CNTN5: variants seen among roughly 807,000 people sequenced by gnomAD.
The protein encoded by CNTN5 is contactin 5, also known as contactin-5.
Under a neutral mutation model 129.1 loss-of-function variants are expected in CNTN5, and 77 were observed. The ratio of observed to expected loss-of-function variants is 0.60; its 90% CI spans 0.50 to 0.72. The LOEUF (loss-of-function observed/expected upper bound fraction) is 0.72. CNTN5 is among the 30% of genes least tolerant of loss of function. The probability of loss-of-function intolerance (pLI) is 0.00; values close to 1 mark genes in which losing one functional copy is unlikely to be tolerated. For missense variants in CNTN5, 1,478 were observed against 1,328.8 expected, an observed-to-expected ratio of 1.11 and a Z score of -1.75; for synonymous variants, 509 against 465.6, an observed-to-expected ratio of 1.09 and a Z score of -1.20.
intron 2 of CNTN5, among the ~76,000 whole-genome samples, chr11:99,541,975 A>G (rs535183581): frequency 2.5e-3 from 303 of 121,320 alleles, no homozygotes; most frequent in African/African-American, 7.6e-3. Flanking sequence ...AAAAAAAAAA[A>G]AAAAGAAAAG....
At chr11:99,762,554 T>C (rs1944617155) in intron 3 of CNTN5, among the ~76,000 whole-genome samples, 1 of 151,960 alleles carries the variant, frequency 6.6e-6, no homozygotes, top group Admixed American at 6.6e-5. Flanking sequence ...TTTCTCAGGT[T>C]TGTCAAAGAT....
intron 1 of CNTN5, among the ~76,000 whole-genome samples, chr11:99,238,195 A>G (rs758063983): frequency 3.3e-5 from 5 of 152,218 alleles, no homozygotes; most frequent in Non-Finnish European, 7.4e-5. Flanking sequence ...CATGGGGTTA[A>G]TAAAAAGGAA....
intron 2 of CNTN5, among the ~76,000 whole-genome samples, chr11:99,339,532 C>A (rs1400879929): frequency 6.6e-6 from 1 of 152,112 alleles, no homozygotes; most frequent in African/African-American, 2.4e-5. Flanking sequence ...GTAATCCCAG[C>A]ACTTTGGGAG....
intron 2 of CNTN5, among the ~76,000 whole-genome samples, chr11:99,330,008 T>C (rs1865937422): frequency 6.6e-6 from 1 of 151,290 alleles, no homozygotes; most frequent in South Asian, 2.1e-4. Context: ...CAGATGGTTA[T>C]TATTGTCATA....
chr11:100,117,817 C>T (rs1279002757), intron 13 of CNTN5, among the ~76,000 whole-genome samples: 3 of 151,410 alleles, frequency 2.0e-5, no homozygotes, highest in Non-Finnish European at 4.4e-5. Context: ...AAGTGGATAA[C>T]ATTTACTTGA....
chr11:100,052,115 G>C (rs574977054), intron 9 of CNTN5, among the ~76,000 whole-genome samples: 2 of 151,406 alleles, frequency 1.3e-5, no homozygotes, highest in African/African-American at 4.8e-5. Flanking sequence ...CACATGAATG[G>C]GATAAAAGAA....
intron 2 of CNTN5, among the ~76,000 whole-genome samples, chr11:99,462,246 G>A (rs1565202011): frequency 6.6e-6 from 1 of 151,650 alleles, no homozygotes; most frequent in Non-Finnish European, 1.5e-5. Flanking sequence ...ATTGATAAAA[G>A]TTTGTATTTT....
intron 1 of CNTN5, among the ~76,000 whole-genome samples, chr11:99,216,323 C>T (rs149372472): frequency 6.6e-5 from 10 of 152,108 alleles, no homozygotes; most frequent in Middle Eastern, 3.4e-3. Flanking sequence ...TGCAAATGAC[C>T]GGATTTCATT....
intron 2 of CNTN5, among the ~76,000 whole-genome samples, chr11:99,490,550 A>T (rs1945996745): frequency 6.6e-6 from 1 of 152,182 alleles, no homozygotes; most frequent in Non-Finnish European, 1.5e-5. Context: ...AGCCTGAGAC[A>T]AAGTGCTTAG....
rs1859605324 is a variant in CNTN5 at position 99,143,141 on chromosome 11, ATCCGATGAC to A, written c.-210+121872_-210+121880del. The stretch of plus-strand genomic sequence containing the variant: ...TTGGCTATTTCTGTAATCATATCTT[ATCCGATGAC>A]ATTAAGGCAGAAATCTTTAACAAGC... On this transcript the variant is annotated intron_variant, in intron 1 of 24. Coordinates refer to ENST00000524871, the MANE Select transcript of CNTN5 (RefSeq NM_014361.4). 2.6e-5 allele frequency among the ~76,000 whole-genome samples: 4 copies of A among 152,072 alleles called. No homozygotes were observed. The South Asian group carries it at 6.2e-4, about 24-fold the overall frequency.
intron 1 of CNTN5, among the ~76,000 whole-genome samples, chr11:99,248,285 CT>C (rs1861921131): frequency 1.3e-5 from 2 of 152,122 alleles, no homozygotes. Flanking sequence ...TGTTCATATC[CT>C]TTGCCCACTT....
intron 2 of CNTN5, among the ~76,000 whole-genome samples, chr11:99,501,937 G>T (rs191298328): frequency 6.6e-6 from 1 of 152,164 alleles, no homozygotes; most frequent in Non-Finnish European, 1.5e-5. Context: ...TAGCGTAAAT[G>T]ATTGTCATCA....
At chr11:100,008,617 C>T (rs181242558) in intron 9 of CNTN5, among the ~76,000 whole-genome samples, 4 of 152,140 alleles carry the variant, frequency 2.6e-5, no homozygotes, top group South Asian at 4.1e-4. Flanking sequence ...TAATATTACA[C>T]CTTGAGTCCA....
intron 2 of CNTN5, among the ~76,000 whole-genome samples, chr11:99,552,171 TG>T (rs1455906079): frequency 5.9e-5 from 9 of 151,664 alleles, no homozygotes; most frequent in African/African-American, 1.9e-4. Flanking sequence ...CCTCCCAAAG[TG>T]CTGGGATTAC....
chr11:99,259,174 A>G (rs1259685872), intron 1 of CNTN5, among the ~76,000 whole-genome samples: 2 of 151,944 alleles, frequency 1.3e-5, no homozygotes, highest in Non-Finnish European at 2.9e-5. Context: ...TGCATTTGCT[A>G]TGCACAAATT....
At chr11:99,588,906 G>A (rs960688451) in intron 3 of CNTN5, among the ~76,000 whole-genome samples, 1 of 152,162 alleles carries the variant, frequency 6.6e-6, no homozygotes, top group Admixed American at 6.5e-5. Flanking sequence ...TGTCACAGTT[G>A]CTGTTGTGGA....
At chr11:99,856,656 T>C (rs982702550) in intron 6 of CNTN5, among the ~76,000 whole-genome samples, 8 of 152,142 alleles carry the variant, frequency 5.3e-5, no homozygotes, top group African/African-American at 1.9e-4. Context: ...ATAGTGCTCT[T>C]TGGGTCGGAA....
At chr11:100,353,969 C>T (rs1297509788) in intron 24 of CNTN5, among the ~76,000 whole-genome samples, 1 of 151,428 alleles carries the variant, frequency 6.6e-6, no homozygotes, top group Admixed American at 6.6e-5. Context: ...AAGATTCCAG[C>T]AATTGGGTAG....
chr11:99,358,270 T>TA (rs1938847188), intron 2 of CNTN5, among the ~76,000 whole-genome samples: 4 of 126,148 alleles, frequency 3.2e-5, no homozygotes, highest in African/African-American at 1.1e-4. Flanking sequence ...TTTTTTTTTT[T>TA]TTTTTAGTAG....
Sources: allele counts gnomAD v4.1 joint callset (sites outside exome capture counted in the v4.1 genomes callset), GRCh38; gene constraint gnomAD v4.1.1; transcripts MANE v1.5; gene names NCBI Gene and HGNC (gene_info 2026-07-23, HGNC 2026-07-21).